CPAMD8: variants seen among roughly 807,000 people sequenced by gnomAD.
CPAMD8 encodes the protein C3 and PZP-like alpha-2-macroglobulin domain-containing protein 8.
Under a neutral mutation model 224.7 loss-of-function variants are expected in CPAMD8, and 146 were observed. The observed-to-expected ratio is 0.65, with a 90% CI of 0.57 to 0.75. CPAMD8 has a LOEUF of 0.75. CPAMD8 is among the 30% of genes least tolerant of loss of function. The pLI is 0.00. For missense variants in CPAMD8, 2,301 were observed against 2,537.5 expected (o/e 0.91, Z 2.00); for synonymous variants, 966 against 1,044.6 (o/e 0.92, Z 1.45).
chr19:16,896,927 C>T (rs1025126148), intron 39 of CPAMD8: 61 of 350,650 alleles, frequency 1.7e-4, no homozygotes, highest in African/African-American at 1.1e-3. Flanking sequence ...CCTGTCTGGG[C>T]CGCCCTGCAA....
chr19:17,016,802 A>G (rs1265492597), intron 3 of CPAMD8, among the ~76,000 whole-genome samples: 2 of 152,052 alleles, frequency 1.3e-5, no homozygotes, highest in East Asian at 1.9e-4. Context: ...CACACAAAGG[A>G]AAGGCAGGAG....
At chr19:17,020,443 T>C in intron 2 of CPAMD8, 90 bp from the exon 3 acceptor site, 1 of 971,184 alleles carries the variant, frequency 1.0e-6, no homozygotes, top group South Asian at 1.3e-5. Flanking sequence ...ACAAACTTTC[T>C]TAACCCAAAG....
At chr19:16,904,176 A>AGGGCCCCCCCCCCCCCCCC in intron 32 of CPAMD8, 50 bp downstream of exon 32, 4 of 937,336 alleles carry the variant, frequency 4.3e-6, no homozygotes, top group Non-Finnish European at 6.7e-6. Context: ...GACTGCAGGG[A>AGGGCCCCCCCCCCCCCCCC]CCCCACCCAC....
At chr19:17,011,417 C>T (rs113402605) in intron 5 of CPAMD8, 47 bp downstream of exon 5, 12 of 1,609,860 alleles carry the variant, frequency 7.5e-6, no homozygotes, top group African/African-American at 2.7e-5. Flanking sequence ...GCCAGGTAGT[C>T]CCAAGTGGGT....
At position 16,976,585 on chromosome 19, in the gene CPAMD8, C is replaced by G. The variant is rs2055282578; in HGVS notation, c.1759-434G>C. 2.0e-5 allele frequency among the ~76,000 whole-genome samples: 3 copies of G among 152,008 alleles called. 1 individual carries two copies. Among genetic ancestry groups the G allele is most frequent in the Admixed American group, 6.5e-5 (1 of 15,278 alleles). On this transcript the variant is annotated intron_variant, in intron 15 of 41. Transcript: ENST00000443236. ...GCCCACCAAGGAGAGTGGGTCTTTG[C>G]CAGCTCAGCTGGGAACCTGGCCTCG... is the stretch of plus-strand genomic sequence containing the variant.
chr19:16,963,166 T>C (rs1290929590), intron 18 of CPAMD8, among the ~76,000 whole-genome samples: 1 of 152,184 alleles, frequency 6.6e-6, no homozygotes, highest in African/African-American at 2.4e-5. Context: ...AATATCATAA[T>C]GACAGGATCA....
At chr19:16,968,053 A>C (rs150085871) in intron 18 of CPAMD8, among the ~76,000 whole-genome samples, 4 of 151,738 alleles carry the variant, frequency 2.6e-5, no homozygotes, top group African/African-American at 9.7e-5. Flanking sequence ...AATTGCCTTC[A>C]TGGTTTTGAG....
intron 12 of CPAMD8, among the ~76,000 whole-genome samples, chr19:16,990,009 C>T (rs113486715): frequency 0.012 from 1,886 of 152,208 alleles, 36 homozygotes; most frequent in African/African-American, 0.042. Flanking sequence ...CACAGCACTT[C>T]GGGAGGCCGA....
Position 16,945,580 on chromosome 19 carries a change from A to G in CPAMD8, c.2762T>C (p.Val921Ala). 1 of 1,613,916 alleles carries G rather than the reference A, an allele frequency of 6.2e-7. No individual in the cohort carries two copies. Among genetic ancestry groups the G allele is most frequent in the Non-Finnish European group, 8.5e-7 (1 of 1,179,928 alleles). ...CATCACACTGCGCCTGACGTGATCC[A>G]CCCCGATGGGGACCCTCCTGTCGGC... is the stretch of plus-strand genomic sequence containing the variant. ...NHADRRVPIG[V>A]DHVRRSVMVE... The change falls in exon 22 of 42, where the codon GTG (valine) becomes GCG (alanine). Residue 921 changes from valine (V) to alanine (A), a missense_variant. Val to Ala is a moderately conservative substitution (Grantham distance 64). Coordinates refer to ENST00000443236, the MANE Select transcript of CPAMD8 (RefSeq NM_015692.5).
At chr19:16,921,814 G>A (rs1324306823) in intron 27 of CPAMD8, 91 bp downstream of exon 27, 10 of 793,766 alleles carry the variant, frequency 1.3e-5, no homozygotes, top group Admixed American at 4.6e-5. Flanking sequence ...GGGATCAGGC[G>A]CCAAGTGATC....
chr19:17,009,476 G>T, intron 5 of CPAMD8, 156 bp from the exon 6 acceptor site: 1 of 1,306,636 alleles, frequency 7.7e-7, no homozygotes. Flanking sequence ...CTAACCCCAA[G>T]TAGGGTCTTT....
intron 21 of CPAMD8, among the ~76,000 whole-genome samples, chr19:16,946,528 T>C (rs1259431611): frequency 1.6e-5 from 2 of 123,856 alleles, no homozygotes; most frequent in East Asian, 4.8e-4. Flanking sequence ...TGTGTGTGTG[T>C]GAATGCATGT....
intron 20 of CPAMD8, among the ~76,000 whole-genome samples, chr19:16,947,590 C>A (rs1486992632): frequency 1.3e-5 from 2 of 152,220 alleles, no homozygotes; most frequent in Non-Finnish European, 2.9e-5. Flanking sequence ...ACCTCTCCCA[C>A]AGCAGGTCCA....
chr19:16,958,462 T>C (rs2054544086), intron 18 of CPAMD8, among the ~76,000 whole-genome samples: 1 of 152,250 alleles, frequency 6.6e-6, no homozygotes, highest in South Asian at 2.1e-4. Context: ...TGTTCTTTTT[T>C]ATGGCTGCAT....
intron 10 of CPAMD8, chr19:17,000,094 T>C (rs2056262452): frequency 4.1e-6 from 1 of 244,778 alleles, no homozygotes; most frequent in African/African-American, 2.2e-5. Flanking sequence ...TTCCTTTTTA[T>C]ATTTTCTAAA....
At chr19:16,974,602 A>T (rs1302745928) in intron 17 of CPAMD8, among the ~76,000 whole-genome samples, 1 of 151,962 alleles carries the variant, frequency 6.6e-6, no homozygotes, top group Non-Finnish European at 1.5e-5. Context: ...CATGCATAAC[A>T]TTCTGCTCTC....
In CPAMD8 at chr19:16,925,186, T is replaced by C. The variant is rs369623094; in HGVS notation, c.3547+10A>G. On this transcript the variant is annotated intron_variant, in intron 26 of 41. Coordinates refer to ENST00000443236, the MANE Select transcript of CPAMD8 (RefSeq NM_015692.5). ...CTCCCACCTCAACCCAGGCACTTCTTCCCCAATACCTTGTACTAGGTAGTC... is the reference window on the plus strand; with the variant it reads ...CTCCCACCTCAACCCAGGCACTTCTCCCCCAATACCTTGTACTAGGTAGTC... 18 of 1,613,320 alleles carry C rather than the reference T, an allele frequency of 1.1e-5. No homozygotes were observed. Among genetic ancestry groups the C allele is most frequent in the Admixed American group, 3.3e-5 (2 of 59,968 alleles).
At chr19:16,998,781 A>AC (rs1405022503) in intron 10 of CPAMD8, among the ~76,000 whole-genome samples, 2 of 152,228 alleles carry the variant, frequency 1.3e-5, no homozygotes, top group African/African-American at 4.8e-5. Flanking sequence ...GTTCCTCAAA[A>AC]GGTCACACAT....
At chr19:16,957,045 A>G (rs1416192938) in intron 19 of CPAMD8, among the ~76,000 whole-genome samples, 2 of 152,250 alleles carry the variant, frequency 1.3e-5, no homozygotes, top group Non-Finnish European at 2.9e-5. Context: ...CATTTGAATG[A>G]TGATGGACAG....
Sources: allele counts gnomAD v4.1 joint callset (sites outside exome capture counted in the v4.1 genomes callset), GRCh38; gene constraint gnomAD v4.1.1; transcripts MANE v1.5; gene names NCBI Gene and HGNC (gene_info 2026-07-23, HGNC 2026-07-21).